Variants in CELF2 observed in about 807,000 individuals in gnomAD.
CELF2 encodes CUGBP Elav-like family member 2, also known as CUG triplet repeat RNA-binding protein 2.
Under a neutral mutation model 62.6 loss-of-function variants are expected in CELF2, and 8 were observed. The observed-to-expected ratio is 0.13, with a 90% CI of 0.07 to 0.23. The LOEUF (loss-of-function observed/expected upper bound fraction) is 0.23, where lower values mean the gene tolerates loss of function less well. Ranked by LOEUF, CELF2 falls within the 10% of genes least tolerant of loss-of-function variation. The pLI is 1.00. For missense variants in CELF2, 333 were observed against 671.0 expected (o/e 0.50, Z 5.56); for synonymous variants, 258 against 250.0 (o/e 1.03, Z -0.30).
Position 10,917,177 on chromosome 10 carries a change from G to A in CELF2, c.54-2787G>A, listed in dbSNP as rs117123074. 8.4e-3 allele frequency among the ~76,000 whole-genome samples: 1,272 copies of A among 152,274 alleles called. 2 individuals are homozygous for A. The highest frequency in any genetic ancestry group is 0.011 in the African/African-American group (439 of 41,550). On this transcript the variant is annotated intron_variant, in intron 1 of 13. Transcript: ENST00000636488. ...AACAAACACAGTATACTCTTGGTAAGCGTGGAGACTTAAGCAGCTGGAGCC... is the reference window on the plus strand; with the variant it reads ...AACAAACACAGTATACTCTTGGTAAACGTGGAGACTTAAGCAGCTGGAGCC...
intron 2 of CELF2, among the ~76,000 whole-genome samples, chr10:11,198,457 C>G (rs991586476): frequency 2.6e-5 from 4 of 152,160 alleles, no homozygotes; most frequent in Non-Finnish European, 4.4e-5. Flanking sequence ...ACATCTTTTT[C>G]TGTTTAATAT....
At chr10:11,053,305 G>T (rs963244874) in intron 1 of CELF2, among the ~76,000 whole-genome samples, 154 of 152,140 alleles carry the variant, frequency 1.0e-3, no homozygotes, top group African/African-American at 3.4e-3. Context: ...TATCTTCAGT[G>T]AAGTAGACAG....
chr10:10,737,296 A>G, the CELF2 span, among the ~76,000 whole-genome samples: 4 of 152,240 alleles, frequency 2.6e-5, no homozygotes, highest in East Asian at 3.9e-4. Flanking sequence ...AGTACTTTAT[A>G]TTAGCCTTTT....
chr10:11,150,695 CT>C (rs1198565688), intron 1 of CELF2, among the ~76,000 whole-genome samples: 1 of 152,222 alleles, frequency 6.6e-6, no homozygotes, highest in African/African-American at 2.4e-5. Context: ...TCAGCTTTCA[CT>C]TTTGCATTTG....
At chr10:10,493,816 G>T in the CELF2 span, among the ~76,000 whole-genome samples, 10 of 152,144 alleles carry the variant, frequency 6.6e-5, no homozygotes, top group South Asian at 4.1e-4. Context: ...ACAGGCCTGA[G>T]CCACCGTGCC....
At chr10:10,991,087 C>T (rs1052301698) in intron 2 of CELF2, among the ~76,000 whole-genome samples, 14 of 151,846 alleles carry the variant, frequency 9.2e-5, no homozygotes, top group African/African-American at 2.9e-4. Flanking sequence ...CCGAGTTTGG[C>T]GGGTGTAACT....
intron 1 of CELF2, among the ~76,000 whole-genome samples, chr10:11,131,376 G>C (rs2059599457): frequency 6.6e-6 from 1 of 152,192 alleles, no homozygotes; most frequent in African/African-American, 2.4e-5. Flanking sequence ...TGTTTCTGTA[G>C]GACTTCCGCC....
the CELF2 span, among the ~76,000 whole-genome samples, chr10:10,674,326 A>G: frequency 6.6e-6 from 1 of 152,204 alleles, no homozygotes; most frequent in Non-Finnish European, 1.5e-5. Context: ...TTTGAAATTC[A>G]TACAGCAACT....
intron 1 of CELF2, among the ~76,000 whole-genome samples, chr10:10,900,531 G>T (rs1188940235): frequency 2.0e-5 from 3 of 151,918 alleles, no homozygotes; most frequent in Non-Finnish European, 2.9e-5. Context: ...AAGAATCTCA[G>T]CAAACTAGGA....
At chr10:11,053,464 T>C (rs892739388) in intron 1 of CELF2, among the ~76,000 whole-genome samples, 1 of 152,070 alleles carries the variant, frequency 6.6e-6, no homozygotes, top group East Asian at 1.9e-4. Flanking sequence ...GTGGATGGAT[T>C]AGGGGGAAAT....
chr10:10,631,827 A>T, the CELF2 span, among the ~76,000 whole-genome samples: 5 of 152,226 alleles, frequency 3.3e-5, no homozygotes, highest in Non-Finnish European at 7.3e-5. Flanking sequence ...TATTGAGCAG[A>T]GATACCAGTT....
At chr10:10,612,384 TG>T in the CELF2 span, among the ~76,000 whole-genome samples, 2 of 152,184 alleles carry the variant, frequency 1.3e-5, no homozygotes. Flanking sequence ...ATCTCAGATC[TG>T]TTACTCATTA....
chr10:11,032,086 C>T (rs181860356), intron 1 of CELF2, among the ~76,000 whole-genome samples: 3 of 140,850 alleles, frequency 2.1e-5, no homozygotes, highest in East Asian at 2.0e-4. Flanking sequence ...GGGGCAGGTG[C>T]GATTGCATCC....
intron 2 of CELF2, among the ~76,000 whole-genome samples, chr10:11,205,276 C>T (rs538293850): frequency 6.6e-6 from 1 of 152,146 alleles, no homozygotes; most frequent in Non-Finnish European, 1.5e-5. Context: ...GCGCAGCCTG[C>T]GGCAGGCCTG....
chr10:10,502,822 G>A, the CELF2 span, among the ~76,000 whole-genome samples: 1 of 151,878 alleles, frequency 6.6e-6, no homozygotes, highest in South Asian at 2.1e-4. Context: ...TTCTTGAGAT[G>A]AGAAGTTACA....
chr10:10,792,312 A>G, the CELF2 span: 13 of 397,740 alleles, frequency 3.3e-5, no homozygotes, highest in African/African-American at 2.7e-4. Flanking sequence ...TTCTAACTTT[A>G]CTTAGGTCTG....
At chr10:10,771,509 T>G in the CELF2 span, among the ~76,000 whole-genome samples, 1 of 152,238 alleles carries the variant, frequency 6.6e-6, no homozygotes, top group Non-Finnish European at 1.5e-5. Flanking sequence ...CACCCAAATC[T>G]TGAGCTGTAC....
chr10:11,088,957 C>T (rs2047560903), intron 1 of CELF2, among the ~76,000 whole-genome samples: 1 of 152,226 alleles, frequency 6.6e-6, no homozygotes, highest in Non-Finnish European at 1.5e-5. Context: ...GCAAGCCTCT[C>T]CCGTGCGTTG....
intron 1 of CELF2, among the ~76,000 whole-genome samples, chr10:11,101,721 C>T (rs1405849513): frequency 3.3e-5 from 5 of 152,234 alleles, no homozygotes; most frequent in Non-Finnish European, 5.9e-5. Flanking sequence ...ACAACGGAAA[C>T]ACTTGTAACC....
Sources: allele counts gnomAD v4.1 joint callset (sites outside exome capture counted in the v4.1 genomes callset), GRCh38; gene constraint gnomAD v4.1.1; transcripts MANE v1.5; gene names NCBI Gene and HGNC (gene_info 2026-07-23, HGNC 2026-07-21).